ATAD1: variants seen among roughly 807,000 people sequenced by gnomAD.
ATAD1 encodes the protein outer mitochondrial transmembrane helix translocase.
ATAD1 carries 18 observed loss-of-function variants against 42.7 expected under a neutral mutation model. The observed-to-expected ratio is 0.42, with a 90% CI of 0.29 to 0.63. ATAD1 has a LOEUF of 0.63. ATAD1 is among the 20% of genes least tolerant of loss of function. The probability of loss-of-function intolerance (pLI) is 0.19; values close to 1 mark genes in which losing one functional copy is unlikely to be tolerated. For synonymous variants in ATAD1, 132 were observed against 143.1 expected (o/e 0.92, Z 0.55); for missense variants, 294 against 440.4 (o/e 0.67, Z 2.98).
At chr10:87,770,612 C>T (rs1052556935) in intron 7 of ATAD1, among the ~76,000 whole-genome samples, 1 of 152,194 alleles carries the variant, frequency 6.6e-6, no homozygotes, top group African/African-American at 2.4e-5. Context: ...AGCCAAATTT[C>T]TCCAATTCTA....
At chr10:87,758,295 C>T (rs554232537) in intron 8 of ATAD1, among the ~76,000 whole-genome samples, 4 of 151,942 alleles carry the variant, frequency 2.6e-5, no homozygotes, top group Admixed American at 2.0e-4. Context: ...AGAAAGGGTA[C>T]ACTAAAGGAA....
upstream of ATAD1, among the ~76,000 whole-genome samples, chr10:87,819,986 A>T (rs888004897): frequency 2.0e-4 from 28 of 136,814 alleles, no homozygotes; most frequent in Middle Eastern, 3.6e-3. Flanking sequence ...TTCCTAATTT[A>T]AAAAAAAAAT....
rs1230011836 is a variant in ATAD1, at chr10:87,754,826, C to T, written c.966-19G>A. 3 of 1,605,716 alleles carry T rather than the reference C, an allele frequency of 1.9e-6. No individual in the cohort carries two copies. Among genetic ancestry groups the T allele is most frequent in the Non-Finnish European group, 1.7e-6 (2 of 1,174,384 alleles). On this transcript the variant is annotated intron_variant, in intron 9 of 9. Coordinates refer to ENST00000680024, the MANE Select transcript of ATAD1 (RefSeq NM_001321967.2). ...GTCATGGCTAAAATGCAAACAAAAC[C>T]ATCAAATACTCAAATAACTTTAGAA...
At chr10:87,755,780 G>A (rs1854193461) in intron 9 of ATAD1, among the ~76,000 whole-genome samples, 1 of 152,070 alleles carries the variant, frequency 6.6e-6, no homozygotes, top group South Asian at 2.1e-4. Context: ...ATGGTGATGG[G>A]CGCCTATAAT....
chr10:87,790,344 C>T lies in ATAD1; in HGVS notation c.348G>A (p.Leu116=). Residue 116 remains leucine (L), a synonymous_variant, in exon 4 of 10, where the codon TTG becomes TTA. Transcript: ENST00000680024. ...TVILPIKKKH[L]FENSRLLQPP... ...GCTGCAGAAGCCTGGAATTCTCAAA[C>T]AAATGTTTCTTTTTGATAGGTAAGA... 1.9e-6 allele frequency: 3 copies of T among 1,612,926 alleles called. No homozygotes were observed. In the African/African-American group the frequency reaches 4.0e-5, roughly 22 times the overall value.
chr10:87,812,395 G>A (rs972159911), intron 2 of ATAD1, among the ~76,000 whole-genome samples: 17 of 152,086 alleles, frequency 1.1e-4, no homozygotes, highest in Admixed American at 6.5e-4. Flanking sequence ...TCAACCTCCC[G>A]AGTAGCTGGG....
upstream of ATAD1, among the ~76,000 whole-genome samples, chr10:87,823,101 A>C (rs1278073348): frequency 6.6e-6 from 1 of 151,864 alleles, no homozygotes; most frequent in East Asian, 1.9e-4. Context: ...TAAAAAAAAA[A>C]AAAGACAACA....
rs74230628 is a variant in ATAD1, at chr10:87,807,454, G to C, written c.162+6984C>G. ...TACTGTTCCACATTCTCTCCAGCACGTTATTGACAGACTTAAAACTTTACA... is the reference window on the plus strand; with the variant it reads ...TACTGTTCCACATTCTCTCCAGCACCTTATTGACAGACTTAAAACTTTACA... On this transcript the variant is annotated intron_variant, in intron 2 of 9. Coordinates refer to ENST00000680024, the MANE Select transcript of ATAD1 (RefSeq NM_001321967.2). 1.2e-3 allele frequency among the ~76,000 whole-genome samples: 187 copies of C among 152,180 alleles called. 2 individuals carry two copies. In the East Asian group the frequency reaches 0.03, roughly 24 times the overall value.
chr10:87,818,308 G>C (rs1448795860), upstream of ATAD1: 11 of 965,250 alleles, frequency 1.1e-5, no homozygotes, highest in Non-Finnish European at 1.4e-5. Context: ...CGCCGGCGCG[G>C]AGGGGGCGTG....
intron 6 of ATAD1, among the ~76,000 whole-genome samples, chr10:87,775,943 G>A (rs747098699): frequency 6.6e-6 from 1 of 152,182 alleles, no homozygotes; most frequent in Non-Finnish European, 1.5e-5. Context: ...TATGGTGAAA[G>A]TCAAAAGTAA....
chr10:87,767,602 A>AT, intron 8 of ATAD1, 71 bp downstream of exon 8: 1 of 1,392,774 alleles, frequency 7.2e-7, no homozygotes, highest in Non-Finnish European at 1.0e-6. Flanking sequence ...TTCCTTCCTC[A>AT]TTTTTCTCTA....
upstream of ATAD1, chr10:87,818,948 C>G (rs1857560002): frequency 6.6e-6 from 1 of 152,254 alleles, no homozygotes; most frequent in Admixed American, 6.5e-5. Flanking sequence ...AACCTGAAAG[C>G]CAGAGCCTCC....
At chr10:87,780,393 G>C (rs1855510702) in intron 5 of ATAD1, among the ~76,000 whole-genome samples, 1 of 152,104 alleles carries the variant, frequency 6.6e-6, no homozygotes, top group South Asian at 2.1e-4. Context: ...AAAGCCCAAA[G>C]AACTGTGCAA....
chr10:87,760,192 T>TCTGG (rs1034219642), intron 8 of ATAD1, among the ~76,000 whole-genome samples: 3 of 152,202 alleles, frequency 2.0e-5, no homozygotes, highest in African/African-American at 7.2e-5. Context: ...CCTGATATGG[T>TCTGG]CTGGCTCTGT....
intron 4 of ATAD1, among the ~76,000 whole-genome samples, chr10:87,785,807 T>C (rs1855807631): frequency 6.6e-6 from 1 of 152,080 alleles, no homozygotes; most frequent in African/African-American, 2.4e-5. Context: ...CAAAATAATG[T>C]TCAAGCTCTT....
intron 2 of ATAD1, among the ~76,000 whole-genome samples, chr10:87,798,158 A>G (rs1416239093): frequency 2.6e-5 from 4 of 152,204 alleles, no homozygotes; most frequent in Admixed American, 2.6e-4. Context: ...GGAGAGAGAA[A>G]CCAAGACATG....
intron 1 of ATAD1, among the ~76,000 whole-genome samples, chr10:87,830,897 G>T (rs1857816590): frequency 6.6e-6 from 1 of 152,130 alleles, no homozygotes; most frequent in African/African-American, 2.4e-5. Context: ...TATTTAGAAA[G>T]ATATAATTTC....
chr10:87,758,346 GAA>G (rs1208526744), intron 8 of ATAD1, among the ~76,000 whole-genome samples: 1 of 152,046 alleles, frequency 6.6e-6, no homozygotes, highest in African/African-American at 2.4e-5. Flanking sequence ...GAGGAAGGGA[GAA>G]AAACAGAATA....
intron 8 of ATAD1, among the ~76,000 whole-genome samples, chr10:87,760,694 A>G (rs1236175567): frequency 6.7e-6 from 1 of 149,582 alleles, no homozygotes; most frequent in East Asian, 1.9e-4. Flanking sequence ...ACACCACTGC[A>G]TTCCAGTCTG....
Sources: gnomAD v4.1 joint callset for allele counts (sites outside exome capture counted in the v4.1 genomes callset) on GRCh38, gnomAD v4.1.1 for gene constraint, MANE v1.5 for transcripts, NCBI Gene and HGNC (gene_info 2026-07-23, HGNC 2026-07-21) for gene names.